The following LCP1 variants were observed in gnomAD, a reference collection of about 807,000 sequenced individuals.
The protein encoded by LCP1 is lymphocyte cytosolic protein 1.
A neutral mutation model predicts 72.0 loss-of-function variants in LCP1; 23 were observed. That is an observed-to-expected ratio of 0.32 (90% CI 0.23 to 0.45). The LOEUF is 0.45. Among genes scored for constraint, LCP1 ranks in the 20% least tolerant of loss-of-function variants. The probability of loss-of-function intolerance (pLI) is 1.00; values close to 1 mark genes in which losing one functional copy is unlikely to be tolerated. For missense variants in LCP1, 571 were observed against 748.3 expected (o/e 0.76, Z 2.76); for synonymous variants, 245 against 275.4 (o/e 0.89, Z 1.09).
intron 1 of LCP1, among the ~76,000 whole-genome samples, chr13:46,181,801 A>G (rs2045957269): frequency 6.6e-6 from 1 of 152,236 alleles, no homozygotes; most frequent in African/African-American, 2.4e-5. Flanking sequence ...CGTGAAATAG[A>G]GCAATAGAAA....
chr13:46,163,112 C>G (rs1198745289), intron 1 of LCP1, among the ~76,000 whole-genome samples: 1 of 151,756 alleles, frequency 6.6e-6, no homozygotes, highest in Non-Finnish European at 1.5e-5. Context: ...CCCCTCTGCC[C>G]GGCCGCCACC....
chr13:46,174,210 T>C (rs2045917120), intron 1 of LCP1, among the ~76,000 whole-genome samples: 1 of 152,220 alleles, frequency 6.6e-6, no homozygotes. Context: ...GAATCTCTAA[T>C]GACAAGCTTA....
chr13:46,151,320 T>C (rs1036682001), intron 7 of LCP1, among the ~76,000 whole-genome samples: 1 of 152,228 alleles, frequency 6.6e-6, no homozygotes, highest in African/African-American at 2.4e-5. Context: ...CAAAGCACAG[T>C]GAATCTCAAC....
intron 4 of LCP1, 142 bp downstream of exon 4, chr13:46,158,380 T>A: frequency 1.2e-6 from 1 of 809,574 alleles, no homozygotes; most frequent in Non-Finnish European, 1.9e-6. Context: ...TACCCAGAAC[T>A]GACCCACTTA....
At chr13:46,146,176 G>A (rs1593949984) in intron 10 of LCP1, among the ~76,000 whole-genome samples, 1 of 152,242 alleles carries the variant, frequency 6.6e-6, no homozygotes, top group Middle Eastern at 3.4e-3. Flanking sequence ...CACCAATGCA[G>A]GAGTGTTGGA....
rs74074037 is a variant in LCP1 at position 46,170,146 on chromosome 13, A to G, written c.-24-10460T>C. ...AGTCCCCTATCACCTTCTTTGAGGA[A>G]TTTAACAATAATATTCTTGTGTACA... On this transcript the variant is annotated intron_variant, in intron 1 of 15. Transcript: ENST00000323076. Among the ~76,000 whole-genome samples the G allele has an allele frequency of 9.6e-3, 1,462 of 152,340 alleles. 25 individuals are homozygous for G. The highest frequency in any genetic ancestry group is 0.032 in the African/African-American group (1,350 of 41,566).
At chr13:46,170,028 CAGATT>C (rs1402924632) in intron 1 of LCP1, among the ~76,000 whole-genome samples, 2 of 152,180 alleles carry the variant, frequency 1.3e-5, no homozygotes, top group Non-Finnish European at 2.9e-5. Flanking sequence ...TCTCTCCTAG[CAGATT>C]AGTGTCTGGC....
At chr13:46,178,261 G>T (rs1014031236) in intron 1 of LCP1, among the ~76,000 whole-genome samples, 5 of 152,130 alleles carry the variant, frequency 3.3e-5, no homozygotes, top group Non-Finnish European at 5.9e-5. Flanking sequence ...ATTAATTGAA[G>T]CGCCTTCCAC....
Position 46,140,324 on chromosome 13 carries a change from G to A in LCP1, c.1502+1968C>T, listed in dbSNP as rs147945658. Reference sequence around the variant, plus strand: ...GAAAAACCCACCAGAAATGAGCCACGAGAGCAATCCTTGGGGCTCACACAA... The same window carrying A: ...GAAAAACCCACCAGAAATGAGCCACAAGAGCAATCCTTGGGGCTCACACAA... On this transcript the variant is annotated intron_variant, in intron 13 of 15. Transcript: ENST00000323076. Among the ~76,000 whole-genome samples, 77 of 152,276 alleles carry A rather than the reference G, an allele frequency of 5.1e-4. 1 individual carries two copies. The highest frequency in any genetic ancestry group is 1.6e-3 in the African/African-American group (67 of 41,564).
chr13:46,167,391 C>A (rs1382811721), intron 1 of LCP1, among the ~76,000 whole-genome samples: 1 of 152,132 alleles, frequency 6.6e-6, no homozygotes, highest in Non-Finnish European at 1.5e-5. Context: ...TCCCTTAGTA[C>A]ATTCCTGATA....
intron 8 of LCP1, 66 bp from the exon 9 acceptor site, chr13:46,148,513 G>A (rs2045744175): frequency 1.0e-6 from 1 of 987,828 alleles, no homozygotes; most frequent in African/African-American, 1.6e-5. Context: ...GCATAACAAT[G>A]ATTTCCCAAA....
At chr13:46,138,385 A>G (rs1209422403) in intron 13 of LCP1, among the ~76,000 whole-genome samples, 1 of 152,226 alleles carries the variant, frequency 6.6e-6, no homozygotes, top group Non-Finnish European at 1.5e-5. Flanking sequence ...TTATATAATT[A>G]TCAGTCATTA....
chr13:46,173,403 G>T (rs2045913435), intron 1 of LCP1, among the ~76,000 whole-genome samples: 1 of 152,112 alleles, frequency 6.6e-6, no homozygotes, highest in African/African-American at 2.4e-5. Flanking sequence ...AGTGCCTGGT[G>T]ACTGAAGGGA....
intron 2 of LCP1, 105 bp from the exon 3 acceptor site, chr13:46,159,094 A>G (rs2045821850): frequency 9.8e-7 from 1 of 1,020,432 alleles, no homozygotes. Flanking sequence ...AGAGGCTATC[A>G]TTCAGACATT....
At chr13:46,161,799 C>T (rs2045840096) in intron 1 of LCP1, among the ~76,000 whole-genome samples, 1 of 152,186 alleles carries the variant, frequency 6.6e-6, no homozygotes, top group Non-Finnish European at 1.5e-5. Context: ...TGTTTTGCTA[C>T]AAGTAGGCTG....
chr13:46,162,960 C>T (rs2045852447), intron 1 of LCP1, among the ~76,000 whole-genome samples: 1 of 151,930 alleles, frequency 6.6e-6, no homozygotes, highest in Admixed American at 6.5e-5. Flanking sequence ...GCCACCCCGT[C>T]TGGGAAGTGA....
intron 4 of LCP1, among the ~76,000 whole-genome samples, chr13:46,157,891 C>T (rs2045813396): frequency 6.6e-6 from 1 of 152,014 alleles, no homozygotes; most frequent in Non-Finnish European, 1.5e-5. Context: ...AGATTACAGG[C>T]ATGCGCCACT....
chr13:46,180,627 G>A (rs554694703), intron 1 of LCP1, among the ~76,000 whole-genome samples: 27 of 152,338 alleles, frequency 1.8e-4, no homozygotes, highest in Non-Finnish European at 3.7e-4. Flanking sequence ...ATGTTCCTGG[G>A]GGTGAGCTAG....
chr13:46,131,182 A>G (rs1398693102), intron 14 of LCP1, among the ~76,000 whole-genome samples: 1 of 152,252 alleles, frequency 6.6e-6, no homozygotes, highest in Admixed American at 6.5e-5. Flanking sequence ...AATGGAAGGA[A>G]GTTAGCACAA....
Sources: allele counts gnomAD v4.1 joint callset (sites outside exome capture counted in the v4.1 genomes callset), GRCh38; gene constraint gnomAD v4.1.1; transcripts MANE v1.5; gene names NCBI Gene and HGNC (gene_info 2026-07-23, HGNC 2026-07-21).